The following ARFIP1 variants were observed in gnomAD, a reference collection of about 807,000 sequenced individuals.
The protein encoded by ARFIP1 is arfaptin-1.
Under a neutral mutation model 42.5 loss-of-function variants are expected in ARFIP1, and 24 were observed. The ratio of observed to expected loss-of-function variants is 0.57; its 90% CI spans 0.41 to 0.80. ARFIP1 has a LOEUF of 0.80. Ranked by LOEUF, ARFIP1 falls within the 30% of genes least tolerant of loss-of-function variation. The probability of loss-of-function intolerance (pLI) is 0.00; values close to 1 mark genes in which losing one functional copy is unlikely to be tolerated. For synonymous variants in ARFIP1, 141 were observed against 153.7 expected, an observed-to-expected ratio of 0.92 and a Z score of 0.61; for missense variants, 354 against 434.0, an observed-to-expected ratio of 0.82 and a Z score of 1.64.
intron 2 of ARFIP1, among the ~76,000 whole-genome samples, chr4:152,844,173 C>G (rs1381439892): frequency 7.2e-5 from 11 of 152,200 alleles, no homozygotes; most frequent in Non-Finnish European, 1.5e-4. Flanking sequence ...ACTTCTCCCA[C>G]GAACAGACCT....
intron 1 of ARFIP1, among the ~76,000 whole-genome samples, chr4:152,792,116 G>A (rs1367539793): frequency 3.3e-5 from 5 of 152,054 alleles, no homozygotes; most frequent in Admixed American, 3.3e-4. Flanking sequence ...AAGAAACTAA[G>A]CAAAATCACT....
chr4:152,844,517 T>C (rs1181705287), intron 2 of ARFIP1, among the ~76,000 whole-genome samples: 1 of 152,188 alleles, frequency 6.6e-6, no homozygotes, highest in Non-Finnish European at 1.5e-5. Flanking sequence ...CCCTTGCAAT[T>C]ATTTTACTTC....
intron 7 of ARFIP1, among the ~76,000 whole-genome samples, chr4:152,884,930 C>T (rs1736141630): frequency 1.3e-5 from 2 of 152,026 alleles, no homozygotes; most frequent in Admixed American, 6.6e-5. Context: ...TGGCTGGTTT[C>T]TTAAGGGAAA....
intron 1 of ARFIP1, among the ~76,000 whole-genome samples, chr4:152,790,512 T>C (rs894283726): frequency 2.0e-5 from 3 of 152,208 alleles, no homozygotes; most frequent in Non-Finnish European, 4.4e-5. Context: ...TACTTCTCAT[T>C]GGTTTCTCTG....
chr4:152,910,188 T>A lies in ARFIP1; in HGVS notation c.1091T>A (p.Val364Glu). Residue 364 changes from valine (V) to glutamate (E), a missense_variant, in exon 9 of 9, where the codon GTG becomes GAG. Transcript: ENST00000353617. ...CATATCAAATTGAAAACCCCTGGAG[T>A]GGATGCCCCATCTTGGCTTGAAGAA... ...QFHIKLKTPG[V>E]DAPSWLEEQ 6.2e-7 allele frequency: 1 copy of A among 1,612,688 alleles called. No individual in the cohort carries two copies. Among genetic ancestry groups the A allele is most frequent in the East Asian group, 2.2e-5 (1 of 44,838 alleles).
intron 2 of ARFIP1, among the ~76,000 whole-genome samples, chr4:152,831,257 A>G (rs972839076): frequency 3.9e-5 from 6 of 152,198 alleles, no homozygotes; most frequent in Non-Finnish European, 7.3e-5. Flanking sequence ...GCAAGTATTT[A>G]CTGAATATCT....
chr4:152,874,060 C>T (rs72723693), intron 5 of ARFIP1, among the ~76,000 whole-genome samples: 4,089 of 152,244 alleles, frequency 0.027, 99 homozygotes, highest in South Asian at 0.11. Flanking sequence ...CAAGTTTAAG[C>T]TTTTTGTTCA....
chr4:152,891,789 A>G (rs1000014776), intron 8 of ARFIP1, among the ~76,000 whole-genome samples: 1 of 151,954 alleles, frequency 6.6e-6, no homozygotes, highest in African/African-American at 2.4e-5. Context: ...GCTTACTGCA[A>G]CCTCCACCAC....
chr4:152,871,361 A>G (rs1390247174), intron 4 of ARFIP1, among the ~76,000 whole-genome samples: 2 of 152,224 alleles, frequency 1.3e-5, no homozygotes, highest in Non-Finnish European at 2.9e-5. Flanking sequence ...ACTTGGGAAA[A>G]TCAGTATCTT....
intron 5 of ARFIP1, among the ~76,000 whole-genome samples, chr4:152,880,462 C>T (rs1171421579): frequency 1.3e-5 from 2 of 152,082 alleles, no homozygotes; most frequent in African/African-American, 4.8e-5. Context: ...AGTAGTTTCT[C>T]TCTCTTCCTC....
chr4:152,807,451 G>A (rs1043704648), intron 1 of ARFIP1, among the ~76,000 whole-genome samples: 1 of 152,056 alleles, frequency 6.6e-6, no homozygotes, highest in Non-Finnish European at 1.5e-5. Flanking sequence ...CTTTACTTGA[G>A]CCGTTATAGT....
At chr4:152,906,903 T>C (rs947142711) in intron 8 of ARFIP1, among the ~76,000 whole-genome samples, 1 of 152,224 alleles carries the variant, frequency 6.6e-6, no homozygotes, top group African/African-American at 2.4e-5. Context: ...GGAATGTTTT[T>C]CTTCCAGATA....
intron 1 of ARFIP1, among the ~76,000 whole-genome samples, chr4:152,793,641 A>T (rs1450612769): frequency 6.6e-6 from 1 of 152,178 alleles, no homozygotes; most frequent in East Asian, 1.9e-4. Flanking sequence ...AATTATAACA[A>T]CATATTTTCT....
chr4:152,794,280 C>T (rs543119755), intron 1 of ARFIP1, among the ~76,000 whole-genome samples: 4 of 152,264 alleles, frequency 2.6e-5, no homozygotes, highest in Non-Finnish European at 5.9e-5. Flanking sequence ...TCTCCGTAGT[C>T]TCTTTTAAAG....
intron 2 of ARFIP1, among the ~76,000 whole-genome samples, chr4:152,842,904 G>A (rs1010777976): frequency 6.6e-6 from 1 of 151,808 alleles, no homozygotes; most frequent in African/African-American, 2.4e-5. Flanking sequence ...CTAACCTCCT[G>A]AATTCTTTTT....
intron 1 of ARFIP1, among the ~76,000 whole-genome samples, chr4:152,789,080 CTTTTTTTTTTTT>C (rs71598215): frequency 1.6e-3 from 113 of 71,870 alleles, no homozygotes; most frequent in African/African-American, 5.9e-3. Context: ...AGAATACAGA[CTTTTTTTTTTTT>C]TTTTTTTTTT....
At chr4:152,791,264 ATT>A (rs1240445838) in intron 1 of ARFIP1, among the ~76,000 whole-genome samples, 9 of 152,302 alleles carry the variant, frequency 5.9e-5, no homozygotes, top group Non-Finnish European at 1.0e-4. Flanking sequence ...TTTCTTTTGC[ATT>A]GGACAGTAAG....
At chr4:152,829,560 A>G (rs1223617697) in intron 1 of ARFIP1, 65 bp from the exon 2 acceptor site, 1 of 1,087,674 alleles carries the variant, frequency 9.2e-7, no homozygotes, top group Non-Finnish European at 1.3e-6. Flanking sequence ...TAAGTACTAT[A>G]AACATGAATA....
chr4:152,803,953 A>ATG (rs1728626027), intron 1 of ARFIP1, among the ~76,000 whole-genome samples: 1 of 133,712 alleles, frequency 7.5e-6, no homozygotes. Context: ...AAATGTCTGA[A>ATG]TGTGTATATA....
Sources: allele counts gnomAD v4.1 joint callset (sites outside exome capture counted in the v4.1 genomes callset), GRCh38; gene constraint gnomAD v4.1.1; transcripts MANE v1.5; gene names NCBI Gene and HGNC (gene_info 2026-07-23, HGNC 2026-07-21).